The following TNRC6B variants were observed in gnomAD, a reference collection of about 807,000 sequenced individuals.
The protein encoded by TNRC6B is trinucleotide repeat-containing gene 6B protein.
TNRC6B carries 52 observed loss-of-function variants against 203.6 expected under a neutral mutation model. That is an observed-to-expected ratio of 0.26 (90% CI 0.20 to 0.32). TNRC6B has a LOEUF of 0.32. TNRC6B is among the 10% of genes least tolerant of loss of function. The probability of loss-of-function intolerance (pLI) is 1.00; values close to 1 mark genes in which losing one functional copy is unlikely to be tolerated. For synonymous variants in TNRC6B, 838 were observed against 845.7 expected, an observed-to-expected ratio of 0.99 and a Z score of 0.16; for missense variants, 1,923 against 2,286.2, an observed-to-expected ratio of 0.84 and a Z score of 3.24.
chr22:40,278,952 G>A (rs1322705784), intron 9 of TNRC6B, among the ~76,000 whole-genome samples: 2 of 152,212 alleles, frequency 1.3e-5, no homozygotes. Context: ...TTTTGGCCAG[G>A]CTGGTCTCGA....
intron 3 of TNRC6B, among the ~76,000 whole-genome samples, chr22:40,259,200 C>T (rs768432566): frequency 6.6e-6 from 1 of 151,980 alleles, no homozygotes; most frequent in Non-Finnish European, 1.5e-5. Context: ...TGTTATAGGT[C>T]ATGAATATTA....
intron 3 of TNRC6B, among the ~76,000 whole-genome samples, chr22:40,252,730 G>A (rs2070212905): frequency 6.6e-6 from 1 of 152,164 alleles, no homozygotes; most frequent in Non-Finnish European, 1.5e-5. Flanking sequence ...ATTTTGGAAG[G>A]ATCTTTGTAA....
chr22:40,128,500 G>A (rs899313911), intron 3 of TNRC6B, among the ~76,000 whole-genome samples: 1 of 151,840 alleles, frequency 6.6e-6, no homozygotes, highest in African/African-American at 2.4e-5. Flanking sequence ...TTTGAGACTG[G>A]ATCTTTCTCT....
intron 2 of TNRC6B, among the ~76,000 whole-genome samples, chr22:40,249,895 T>A (rs182421044): frequency 7.9e-5 from 12 of 152,320 alleles, no homozygotes; most frequent in Non-Finnish European, 1.6e-4. Context: ...TAGCTTGTCA[T>A]TTAACACAGG....
At chr22:40,272,724 G>T (rs2070581248) in intron 6 of TNRC6B, among the ~76,000 whole-genome samples, 2 of 152,164 alleles carry the variant, frequency 1.3e-5, no homozygotes, top group Admixed American at 1.3e-4. Context: ...AAGCCTCTTG[G>T]ATTTCTCTCT....
intron 1 of TNRC6B, among the ~76,000 whole-genome samples, chr22:40,198,525 A>G (rs1407513113): frequency 6.6e-6 from 1 of 151,784 alleles, no homozygotes; most frequent in Non-Finnish European, 1.5e-5. Flanking sequence ...AGCCCAGGAG[A>G]GGTGAGAAGG....
chr22:40,262,054 C>T lies in TNRC6B; in HGVS notation c.338C>T (p.Pro113Leu), dbSNP rs760171767. ...CTAAAACGTGGGCAGCCCCCTCCAC[C>T]GTCCTGCATGCTCCTTGGGGGTGGG... ...VLLKRGQPPP[P>L]SCMLLGGGAG... Residue 113 changes from proline (P) to leucine (L), a missense_variant, in exon 4 of 23, where the codon CCG becomes CTG. By Grantham distance (98) the Pro-to-Leu change is moderately conservative. This residue lies in a region of TNRC6B where 111 missense variants were observed against 155.3 expected (regional missense o/e 0.71). Transcript: ENST00000454349. The T allele has an allele frequency of 3.6e-5, 57 of 1,591,102 alleles. No homozygotes were observed. The highest frequency in any genetic ancestry group is 4.2e-5 in the Non-Finnish European group (49 of 1,165,678).
chr22:40,317,734 A>T, intron 21 of TNRC6B, among the ~76,000 whole-genome samples: 1 of 152,118 alleles, frequency 6.6e-6, no homozygotes, highest in Admixed American at 6.5e-5. Context: ...TCTGCCTTTC[A>T]CCTTGGTTGC....
intron 19 of TNRC6B, among the ~76,000 whole-genome samples, chr22:40,314,481 A>G (rs2071229922): frequency 6.6e-6 from 1 of 152,228 alleles, no homozygotes; most frequent in Non-Finnish European, 1.5e-5. Context: ...TGAACTGTTC[A>G]ACCAAAATTG....
chr22:40,186,348 A>G (rs1395215632), intron 1 of TNRC6B, among the ~76,000 whole-genome samples: 1 of 152,150 alleles, frequency 6.6e-6, no homozygotes, highest in Non-Finnish European at 1.5e-5. Flanking sequence ...GAGGTGTTCC[A>G]GTGTTGGTAT....
At chr22:40,141,002 A>G (rs1344549412) in intron 3 of TNRC6B, among the ~76,000 whole-genome samples, 1 of 152,146 alleles carries the variant, frequency 6.6e-6, no homozygotes, top group Admixed American at 6.6e-5. Flanking sequence ...AGATTTTGTC[A>G]TGAGGAAAAA....
Position 40,123,427 on chromosome 22 carries a change from G to T in TNRC6B, c.-46-2345G>T, listed in dbSNP as rs371258120. Among the ~76,000 whole-genome samples, 33 of 152,330 alleles carry T rather than the reference G, an allele frequency of 2.2e-4. No homozygotes were observed. The East Asian group carries it at 5.0e-3, about 23-fold the overall frequency. On this transcript the variant is annotated intron_variant, in intron 2 of 23. Transcript: ENST00000301923. ...GAAAGTAAAAAGATTAAAGCTGAAG[G>T]AGAAGCCAGCAAGTTGAGAGCAGTG...
intron 1 of TNRC6B, among the ~76,000 whole-genome samples, chr22:40,062,616 G>C (rs923799595): frequency 2.0e-5 from 3 of 152,194 alleles, no homozygotes; most frequent in Non-Finnish European, 2.9e-5. Context: ...GAGGGTTCCA[G>C]TTTCTCCAGA....
At chr22:40,275,592 A>G (rs1002760817) in intron 7 of TNRC6B, among the ~76,000 whole-genome samples, 2 of 152,124 alleles carry the variant, frequency 1.3e-5, no homozygotes, top group African/African-American at 4.8e-5. Flanking sequence ...CTATCTTACA[A>G]AACTGAACTC....
At position 40,140,849 on chromosome 22, in the gene TNRC6B, C is replaced by T. The variant is rs1254849750; in HGVS notation, c.45+14987C>T. On this transcript the variant is annotated intron_variant, in intron 3 of 23. Coordinates refer to the TNRC6B transcript ENST00000301923. ...AGAGATGGGGTTTCACCATATTGGC[C>T]AGGCTGGTCTCAAACTCCTGACCTC... 3.9e-5 allele frequency among the ~76,000 whole-genome samples: 6 copies of T among 152,202 alleles called. No individual in the cohort carries two copies. The East Asian group carries it at 1.2e-3, about 29-fold the overall frequency.
chr22:40,296,415 T>G (rs2070942337), intron 12 of TNRC6B, among the ~76,000 whole-genome samples: 1 of 147,320 alleles, frequency 6.8e-6, no homozygotes, highest in East Asian at 2.0e-4. Flanking sequence ...CACTGCAAGC[T>G]CCGCCTCCCG....
At position 40,157,889 on chromosome 22, in the gene TNRC6B, G is replaced by C. The variant is rs922663752; in HGVS notation, c.113+1707G>C. Among the ~76,000 whole-genome samples, 78 of 152,270 alleles carry C rather than the reference G, an allele frequency of 5.1e-4. 2 individuals carry two copies. Among genetic ancestry groups the C allele is most frequent in the Middle Eastern group, 6.8e-3 (2 of 294 alleles). The stretch of plus-strand genomic sequence containing the variant: ...TCCATTTCACTCAGAGATCAGGGTA[G>C]GTAACTTGCCCATGGTAATGCAGCT... On this transcript the variant is annotated intron_variant, in intron 4 of 23. Transcript: ENST00000301923.
At chr22:40,075,334 T>G (rs2073254528) in intron 1 of TNRC6B, among the ~76,000 whole-genome samples, 1 of 151,434 alleles carries the variant, frequency 6.6e-6, no homozygotes, top group Admixed American at 6.6e-5. Flanking sequence ...TATACACATT[T>G]AGGATTTTTA....
At position 40,280,088 on chromosome 22, in the gene TNRC6B, G is replaced by T; in HGVS notation, c.3356G>T (p.Arg1119Leu). The T allele has an allele frequency of 6.2e-7, 1 of 1,613,754 alleles. No individual in the cohort carries two copies. The highest frequency in any genetic ancestry group is 2.2e-5 in the East Asian group (1 of 44,878). ...DIMRKDRSGF[R>L]PPNSKDMGTT... ...ATGAGGAAGGATCGATCTGGGTTCCGTCCACCTAATTCCAAAGACATGGGA... is the reference window on the plus strand; with the variant it reads ...ATGAGGAAGGATCGATCTGGGTTCCTTCCACCTAATTCCAAAGACATGGGA... Residue 1119 changes from arginine (R) to leucine (L), a missense_variant, in exon 10 of 23, where the codon CGT becomes CTT. Arg to Leu is a moderately radical substitution (Grantham distance 102, BLOSUM62 -2). Transcript: ENST00000454349.
Sources: allele counts gnomAD v4.1 joint callset (sites outside exome capture counted in the v4.1 genomes callset), GRCh38; gene constraint gnomAD v4.1.1; regional missense constraint gnomAD v4.1.1; transcripts MANE v1.5; gene names NCBI Gene and HGNC (gene_info 2026-07-23, HGNC 2026-07-21).